Variants in PRELID2 observed in about 807,000 individuals in gnomAD.
The protein encoded by PRELID2 is PRELI domain containing 2, also known as PRELI domain-containing protein 2.
In PRELID2, 25 loss-of-function variants were observed where a neutral mutation model predicts 28.4. The observed-to-expected ratio is 0.88, with a 90% CI of 0.64 to 1.23. The LOEUF (loss-of-function observed/expected upper bound fraction) is 1.23. Among genes scored for constraint, PRELID2 ranks in the 50% most tolerant of loss-of-function variants. The pLI is 0.00. For synonymous variants in PRELID2, 76 were observed against 71.6 expected, an observed-to-expected ratio of 1.06 and a Z score of -0.31; for missense variants, 201 against 214.4, an observed-to-expected ratio of 0.94 and a Z score of 0.39.
chr5:145,690,716 T>A (rs564521757), intron 1 of PRELID2, among the ~76,000 whole-genome samples: 55 of 152,336 alleles, frequency 3.6e-4, no homozygotes, highest in African/African-American at 1.3e-3. Flanking sequence ...AGTGAGATTT[T>A]CTTTCACTCA....
At chr5:145,351,888 T>A in the PRELID2 span, among the ~76,000 whole-genome samples, 18 of 152,146 alleles carry the variant, frequency 1.2e-4, no homozygotes, top group African/African-American at 4.3e-4. Context: ...AGGGCAGTCA[T>A]TAAGCCTTAA....
chr5:145,829,077 G>A (rs1261739473), intron 1 of PRELID2, among the ~76,000 whole-genome samples: 1 of 151,638 alleles, frequency 6.6e-6, no homozygotes, highest in Non-Finnish European at 1.5e-5. Context: ...TGGTGGTGGT[G>A]GTGGTAGAGA....
chr5:145,657,420 T>C (rs1380931425), intron 1 of PRELID2, among the ~76,000 whole-genome samples: 1 of 152,224 alleles, frequency 6.6e-6, no homozygotes, highest in Non-Finnish European at 1.5e-5. Context: ...GGATCGTGGC[T>C]CATGCCTGTA....
chr5:145,381,488 T>C, the PRELID2 span: 1 of 152,184 alleles, frequency 6.6e-6, no homozygotes, highest in Non-Finnish European at 1.5e-5. Flanking sequence ...TCAGCTGATG[T>C]CTGTATTGTG....
chr5:145,604,885 A>ATTGAAT (rs1491010720), intron 1 of PRELID2, among the ~76,000 whole-genome samples: 1 of 82,070 alleles, frequency 1.2e-5, no homozygotes, highest in Non-Finnish European at 3.6e-5. Flanking sequence ...TGTTGGCCAT[A>ATTGAAT]TATATATATA....
At chr5:145,427,458 C>T in the PRELID2 span, among the ~76,000 whole-genome samples, 1 of 152,174 alleles carries the variant, frequency 6.6e-6, no homozygotes, top group African/African-American at 2.4e-5. Context: ...AAGATGGCAT[C>T]TATTTTTAAA....
the PRELID2 span, among the ~76,000 whole-genome samples, chr5:145,250,044 C>A: frequency 2.4e-4 from 36 of 151,782 alleles, no homozygotes; most frequent in African/African-American, 8.2e-4. Context: ...CCTAAATTTT[C>A]TTTTCTTTAT....
At chr5:145,242,635 G>A in the PRELID2 span, among the ~76,000 whole-genome samples, 1 of 152,070 alleles carries the variant, frequency 6.6e-6, no homozygotes, top group African/African-American at 2.4e-5. Context: ...AACAGTTACA[G>A]ATGTGTCTAT....
the PRELID2 span, among the ~76,000 whole-genome samples, chr5:145,416,897 A>G: frequency 2.0e-5 from 3 of 152,180 alleles, no homozygotes; most frequent in East Asian, 5.8e-4. Context: ...TGAGTCAAAG[A>G]AAGTCCCTTC....
chr5:145,370,458 T>C, the PRELID2 span, among the ~76,000 whole-genome samples: 1 of 152,140 alleles, frequency 6.6e-6, no homozygotes, highest in Non-Finnish European at 1.5e-5. Context: ...TTCTGAGGTC[T>C]CTGTTCTGTT....
intron 1 of PRELID2, among the ~76,000 whole-genome samples, chr5:145,711,944 G>A (rs566945958): frequency 6.6e-6 from 1 of 152,306 alleles, no homozygotes; most frequent in South Asian, 2.1e-4. Context: ...GGTTCAGAAC[G>A]CTGGTAGCTG....
At chr5:145,245,291 T>C in the PRELID2 span, among the ~76,000 whole-genome samples, 1 of 152,030 alleles carries the variant, frequency 6.6e-6, no homozygotes, top group African/African-American at 2.4e-5. Flanking sequence ...TTAAATAAAT[T>C]TGTATTTCAG....
chr5:145,639,730 C>T (rs969470315), intron 1 of PRELID2, among the ~76,000 whole-genome samples: 2 of 152,126 alleles, frequency 1.3e-5, no homozygotes, highest in African/African-American at 4.8e-5. Context: ...TTAGTCCACA[C>T]ATTTTATAAA....
chr5:145,308,345 C>T, the PRELID2 span, among the ~76,000 whole-genome samples: 1 of 152,194 alleles, frequency 6.6e-6, no homozygotes, highest in Admixed American at 6.5e-5. Context: ...AAAGAATCAT[C>T]AATCTTCTCT....
At chr5:145,582,387 A>G (rs1177264904) in intron 1 of PRELID2, among the ~76,000 whole-genome samples, 1 of 152,018 alleles carries the variant, frequency 6.6e-6, no homozygotes, top group Non-Finnish European at 1.5e-5. Flanking sequence ...AGTTCCACAC[A>G]TCTTCAAACA....
chr5:145,541,748 T>A (rs1397684606), intron 1 of PRELID2, among the ~76,000 whole-genome samples: 1 of 152,048 alleles, frequency 6.6e-6, no homozygotes, highest in African/African-American at 2.4e-5. Context: ...GCTTTGATTT[T>A]TTTCACCATA....
At chr5:145,372,620 T>C in the PRELID2 span, among the ~76,000 whole-genome samples, 3 of 151,860 alleles carry the variant, frequency 2.0e-5, no homozygotes, top group Non-Finnish European at 4.4e-5. Context: ...TTGTCTTTCT[T>C]GATCTTTGTT....
At chr5:145,703,799 C>A (rs1755473261) in intron 1 of PRELID2, 1 of 152,178 alleles carries the variant, frequency 6.6e-6, no homozygotes, top group Non-Finnish European at 1.5e-5. Context: ...CTGTCCTCCA[C>A]ACCTGAGTGC....
At chr5:145,597,440 C>T (rs1463021830) in intron 1 of PRELID2, among the ~76,000 whole-genome samples, 4 of 152,092 alleles carry the variant, frequency 2.6e-5, no homozygotes, top group African/African-American at 7.2e-5. Flanking sequence ...TGAATTCTGA[C>T]AGGGGTATCA....
Sources: gnomAD v4.1 joint callset for allele counts (sites outside exome capture counted in the v4.1 genomes callset) on GRCh38, gnomAD v4.1.1 for gene constraint, MANE v1.5 for transcripts, NCBI Gene and HGNC (gene_info 2026-07-23, HGNC 2026-07-21) for gene names.